Variants in TRPM2 observed in about 807,000 individuals in gnomAD.
The protein encoded by TRPM2 is estrogen-responsive element-associated gene 1 protein.
Under a neutral mutation model 174.0 loss-of-function variants are expected in TRPM2, and 161 were observed. That is an observed-to-expected ratio of 0.93 (90% CI 0.81 to 1.05). TRPM2 has a LOEUF of 1.05. Ranked by LOEUF, TRPM2 falls within the 50% of genes least tolerant of loss-of-function variation. TRPM2 has a pLI of 0.00. For missense variants in TRPM2, 2,057 were observed against 2,038.0 expected (o/e 1.01, Z -0.18); for synonymous variants, 954 against 861.3 (o/e 1.11, Z -1.88).
At chr21:44,400,075 A>G (rs373599018) in intron 14 of TRPM2, among the ~76,000 whole-genome samples, 184 bp from the exon 15 acceptor site, 6 of 152,292 alleles carry the variant, frequency 3.9e-5, no homozygotes, top group African/African-American at 1.4e-4. Flanking sequence ...GCTTGAGGTC[A>G]GGTGAAAGGC....
chr21:44,434,460 CCTT>C (rs1304081764), intron 27 of TRPM2, among the ~76,000 whole-genome samples: 1 of 151,980 alleles, frequency 6.6e-6, no homozygotes, highest in Non-Finnish European at 1.5e-5. Flanking sequence ...CTGCTGGGGA[CCTT>C]CTGTAGACGT....
intron 11 of TRPM2, among the ~76,000 whole-genome samples, chr21:44,394,005 T>C (rs2049261540): frequency 1.3e-5 from 2 of 152,160 alleles, no homozygotes; most frequent in Non-Finnish European, 1.5e-5. Flanking sequence ...CCCAAGTAGC[T>C]GGGATTACAG....
At chr21:44,398,538 G>GA (rs1338332273) in intron 13 of TRPM2, among the ~76,000 whole-genome samples, 2 of 151,746 alleles carry the variant, frequency 1.3e-5, no homozygotes, top group Non-Finnish European at 2.9e-5. Flanking sequence ...GTGGGTAGGG[G>GA]GCCAGGCAGC....
At chr21:44,386,540 G>A (rs2049021615) in intron 9 of TRPM2, among the ~76,000 whole-genome samples, 1 of 152,076 alleles carries the variant, frequency 6.6e-6, no homozygotes, top group Admixed American at 6.6e-5. Context: ...TAAACCAAGG[G>A]GGTGAAAGAC....
chr21:44,439,600 A>G lies in TRPM2; in HGVS notation c.4269+432A>G, dbSNP rs1395372976. 1.3e-5 allele frequency among the ~76,000 whole-genome samples: 2 copies of G among 152,108 alleles called. No homozygotes were observed. Among genetic ancestry groups the G allele is most frequent in the Admixed American group, 1.3e-4 (2 of 15,276 alleles). ...CAAGCTCTGGAGGGGCCCTTCCCAC[A>G]TGCATGCCCAGCCTGGGGACCGACT... On this transcript the variant is annotated intron_variant, in intron 30 of 31. Transcript: ENST00000397928. This position sits in a 1 kb window ranked among gnomAD's most constrained non-coding sequence, Gnocchi z 5.1.
chr21:44,386,517 C>A (rs893692748), intron 9 of TRPM2, among the ~76,000 whole-genome samples: 10 of 151,964 alleles, frequency 6.6e-5, no homozygotes, highest in African/African-American at 2.2e-4. Flanking sequence ...AAAAAAAATA[C>A]TGAGGAATTA....
chr21:44,420,175 G>A (rs2050499023), intron 22 of TRPM2, among the ~76,000 whole-genome samples: 1 of 152,110 alleles, frequency 6.6e-6, no homozygotes, highest in Admixed American at 6.5e-5. Context: ...GCCTAGAACA[G>A]TCTTCTCCCA....
intron 16 of TRPM2, among the ~76,000 whole-genome samples, chr21:44,403,787 A>G (rs1305523824): frequency 6.6e-6 from 1 of 151,426 alleles, no homozygotes; most frequent in Non-Finnish European, 1.5e-5. Context: ...ATGCACACAT[A>G]CAAATATACA....
chr21:44,418,809 G>A (rs1377559958), intron 22 of TRPM2, among the ~76,000 whole-genome samples: 1 of 152,152 alleles, frequency 6.6e-6, no homozygotes, highest in Non-Finnish European at 1.5e-5. Context: ...GGGAAGCCTT[G>A]GCGGCTGGGG....
At chr21:44,360,795 G>T (rs1271781385) in intron 2 of TRPM2, among the ~76,000 whole-genome samples, 1 of 152,016 alleles carries the variant, frequency 6.6e-6, no homozygotes, top group Non-Finnish European at 1.5e-5. Context: ...TCGGACTCGG[G>T]ACCTCAACTG....
rs150587864 is a variant in TRPM2, at chr21:44,424,673, G to A, written c.3550-179G>A. On this transcript the variant is annotated intron_variant, in intron 23 of 31. Transcript: ENST00000397928. ...GGGAGCCGGGTGGGCCTGGGGCAGCGTTCTGGCTGGCTTGGTGGCTGCCTG... is the reference window on the plus strand; with the variant it reads ...GGGAGCCGGGTGGGCCTGGGGCAGCATTCTGGCTGGCTTGGTGGCTGCCTG... Among the ~76,000 whole-genome samples, 585 of 152,308 alleles carry A rather than the reference G, an allele frequency of 3.8e-3. 3 individuals carry two copies. Among genetic ancestry groups the A allele is most frequent in the African/African-American group, 0.013 (547 of 41,564 alleles).
intron 9 of TRPM2, among the ~76,000 whole-genome samples, chr21:44,386,922 G>A (rs1356003116): frequency 6.6e-6 from 1 of 152,196 alleles, no homozygotes. Context: ...GGGTGTGGTG[G>A]CTCATGCCTG....
chr21:44,413,784 T>G, intron 19 of TRPM2, 107 bp from the exon 20 acceptor site: 1 of 1,323,850 alleles, frequency 7.6e-7, no homozygotes, highest in East Asian at 2.3e-5. Flanking sequence ...GCATCAGGCC[T>G]GCGGGGGACC....
chr21:44,394,457 C>T (rs1305881441), intron 11 of TRPM2, among the ~76,000 whole-genome samples: 3 of 151,526 alleles, frequency 2.0e-5, no homozygotes, highest in Non-Finnish European at 4.4e-5. Flanking sequence ...GTAGCTGGGA[C>T]TACAGGTGTC....
chr21:44,420,103 C>T (rs114789749), intron 22 of TRPM2, among the ~76,000 whole-genome samples: 137 of 152,220 alleles, frequency 9.0e-4, no homozygotes, highest in African/African-American at 2.9e-3. Context: ...ACTAGATACA[C>T]GTGTCCTGTT....
chr21:44,356,053 T>C (rs897177131), intron 2 of TRPM2, among the ~76,000 whole-genome samples: 1 of 147,568 alleles, frequency 6.8e-6, no homozygotes, highest in South Asian at 2.2e-4. Context: ...TTAAAAAATT[T>C]GTATTTTTGG....
chr21:44,368,538 TCTC>T (rs1364046209), intron 4 of TRPM2, among the ~76,000 whole-genome samples: 2 of 150,698 alleles, frequency 1.3e-5, no homozygotes, highest in Non-Finnish European at 3.0e-5. Context: ...TTCAAGCAAT[TCTC>T]CTGCCTCAGC....
chr21:44,437,585 G>C (rs554748534), intron 29 of TRPM2, among the ~76,000 whole-genome samples: 1 of 152,246 alleles, frequency 6.6e-6, no homozygotes, highest in East Asian at 1.9e-4. Flanking sequence ...TCATCCAGGG[G>C]TAGGGGCAGG....
chr21:44,401,108 C>G (rs529743951), intron 15 of TRPM2, among the ~76,000 whole-genome samples: 1 of 152,144 alleles, frequency 6.6e-6, no homozygotes, highest in African/African-American at 2.4e-5. Context: ...GCTCAGGTGT[C>G]CTAAAGCAGT....
Sources: gnomAD v4.1 joint callset for allele counts (sites outside exome capture counted in the v4.1 genomes callset) on GRCh38, gnomAD v4.1.1 for gene constraint, Gnocchi (gnomAD v3.1) non-coding constraint, MANE v1.5 for transcripts, NCBI Gene and HGNC (gene_info 2026-07-23, HGNC 2026-07-21) for gene names.